Variants in MCM5 observed in about 807,000 individuals in gnomAD.
MCM5 encodes the protein DNA replication licensing factor MCM5.
MCM5 carries 46 observed loss-of-function variants against 79.9 expected under a neutral mutation model. The ratio of observed to expected loss-of-function variants is 0.58; its 90% confidence interval spans 0.45 to 0.74. The LOEUF is 0.74. Ranked by LOEUF, MCM5 falls within the 30% of genes least tolerant of loss-of-function variation. The probability of loss-of-function intolerance (pLI) is 0.00; values close to 1 mark genes in which losing one functional copy is unlikely to be tolerated. For missense variants in MCM5, 883 were observed against 1,017.0 expected (o/e 0.87, Z 1.79); for synonymous variants, 404 against 390.5 (o/e 1.03, Z -0.41).
chr22:35,453,813 T>TAGAG, the MCM5 span, among the ~76,000 whole-genome samples: 30 of 94,750 alleles, frequency 3.2e-4, no homozygotes, highest in Admixed American at 7.2e-4. Flanking sequence ...TATATATATA[T>TAGAG]ATATATAGAG....
At chr22:35,437,456 T>TA in the MCM5 span, among the ~76,000 whole-genome samples, 1 of 152,198 alleles carries the variant, frequency 6.6e-6, no homozygotes, top group South Asian at 2.1e-4. Flanking sequence ...ATGAAACTGA[T>TA]ACACTGAGGA....
At chr22:35,415,281 ATGT>A (rs1371609480) in intron 9 of MCM5, among the ~76,000 whole-genome samples, 11 of 152,200 alleles carry the variant, frequency 7.2e-5, no homozygotes, top group Admixed American at 4.6e-4. Flanking sequence ...TCATTTCAAC[ATGT>A]TGTTTGATAT....
In MCM5 at chr22:35,416,715, G is replaced by A; in HGVS notation, c.1491G>A (p.Glu497=). 1 of 1,614,188 alleles carries A rather than the reference G, an allele frequency of 6.2e-7. No homozygotes were observed. The highest frequency in any genetic ancestry group is 8.5e-7 in the Non-Finnish European group (1 of 1,180,044). The change falls in exon 12 of 17, where the codon GAG becomes GAA. Residue 497 remains glutamate, a synonymous_variant. Transcript: ENST00000216122. ...ACTCAGTGTTCGGCCGCTGGGATGA[G>A]ACGAAGGGGGAGGACAACATTGACT... is the stretch of plus-strand genomic sequence containing the variant. ...AANSVFGRWD[E]TKGEDNIDFM... is the part of the protein sequence containing the mutation.
the MCM5 span, among the ~76,000 whole-genome samples, chr22:35,445,474 A>G: frequency 6.7e-6 from 1 of 150,040 alleles, no homozygotes; most frequent in East Asian, 1.9e-4. Flanking sequence ...AATTATAGGC[A>G]TGCACCACCA....
the MCM5 span, among the ~76,000 whole-genome samples, chr22:35,441,264 A>G: frequency 1.9e-3 from 293 of 152,310 alleles, 6 homozygotes; most frequent in East Asian, 0.05. Context: ...AGGATGCTAT[A>G]TGGAAGATGG....
the MCM5 span, among the ~76,000 whole-genome samples, chr22:35,443,868 T>C: frequency 6.7e-6 from 1 of 148,558 alleles, no homozygotes; most frequent in African/African-American, 2.5e-5. Context: ...CCGTGGGCCG[T>C]AGACTTGGAG....
downstream of MCM5, among the ~76,000 whole-genome samples, chr22:35,427,527 ATTTTTT>A (rs1354187532): frequency 7.4e-6 from 1 of 135,276 alleles, no homozygotes; most frequent in African/African-American, 2.8e-5. Flanking sequence ...CAAGGCCTTT[ATTTTTT>A]TATTTTTATT....
Position 35,403,124 on chromosome 22 carries a change from A to G in MCM5, c.168-83A>G, listed in dbSNP as rs1461114190. 18 of 1,538,872 alleles carry G rather than the reference A, an allele frequency of 1.2e-5. No homozygotes were observed. In the Admixed American group the frequency reaches 2.1e-4, roughly 18 times the overall value. ...TGGTGGCTGTGGTGTGGGCAGATTC[A>G]GGGGTGCAGGCACACCTCAGCCAGT... is the stretch of plus-strand genomic sequence containing the variant. On this transcript the variant is annotated intron_variant, in intron 2 of 16. Transcript: ENST00000216122.
intron 1 of MCM5, 91 bp downstream of exon 1, chr22:35,400,299 A>C: frequency 1.1e-6 from 1 of 904,700 alleles, no homozygotes; most frequent in Non-Finnish European, 1.8e-6. Flanking sequence ...TTTCTCGGGA[A>C]CTGGGGTTGG....
the MCM5 span, among the ~76,000 whole-genome samples, chr22:35,439,370 T>C: frequency 3.3e-5 from 5 of 149,942 alleles, no homozygotes; most frequent in Non-Finnish European, 7.4e-5. Context: ...CACCCACATA[T>C]TCATCCATCT....
At chr22:35,420,955 C>T (rs1249914619) in intron 14 of MCM5, among the ~76,000 whole-genome samples, 3 of 151,800 alleles carry the variant, frequency 2.0e-5, no homozygotes, top group Non-Finnish European at 4.4e-5. Context: ...TAGCAAGACT[C>T]CCATTTCTAC....
the MCM5 span, among the ~76,000 whole-genome samples, chr22:35,444,166 GGA>G: frequency 4.4e-4 from 65 of 148,020 alleles, no homozygotes; most frequent in African/African-American, 1.2e-3. Context: ...CTGACAGGCA[GGA>G]GAGAGAGAGA....
intron 5 of MCM5, among the ~76,000 whole-genome samples, chr22:35,407,131 G>A (rs1306301520): frequency 6.6e-6 from 1 of 152,202 alleles, no homozygotes; most frequent in Non-Finnish European, 1.5e-5. Flanking sequence ...GCACTACAAA[G>A]GCAGGGTATG....
chr22:35,402,958 A>G (rs375560351), intron 2 of MCM5, among the ~76,000 whole-genome samples: 4 of 152,208 alleles, frequency 2.6e-5, no homozygotes, highest in South Asian at 2.1e-4. Flanking sequence ...GTGTTGAAAC[A>G]TCCTTTGACT....
At chr22:35,435,712 T>G in the MCM5 span, among the ~76,000 whole-genome samples, 3 of 152,108 alleles carry the variant, frequency 2.0e-5, no homozygotes, top group Non-Finnish European at 4.4e-5. Flanking sequence ...GGAGACCCAG[T>G]AGGCACCCCC....
the MCM5 span, among the ~76,000 whole-genome samples, chr22:35,452,521 G>T: frequency 1.3e-5 from 2 of 152,202 alleles, no homozygotes; most frequent in Non-Finnish European, 2.9e-5. Flanking sequence ...GTAAAGTGAC[G>T]CTAAGGATCA....
At chr22:35,423,377 C>CG in intron 16 of MCM5, 36 bp downstream of exon 16, 1 of 1,561,220 alleles carries the variant, frequency 6.4e-7, no homozygotes, top group Non-Finnish European at 8.7e-7. Flanking sequence ...TGAGCCGGCA[C>CG]GGGGTGCAGG....
chr22:35,453,179 T>C, the MCM5 span, among the ~76,000 whole-genome samples: 1 of 152,208 alleles, frequency 6.6e-6, no homozygotes, highest in Non-Finnish European at 1.5e-5. Context: ...GACACGGGCC[T>C]GCCCTCCCTG....
chr22:35,438,842 C>G, the MCM5 span, among the ~76,000 whole-genome samples: 1 of 125,528 alleles, frequency 8.0e-6, no homozygotes, highest in Non-Finnish European at 1.7e-5. Context: ...CATCCATTCA[C>G]CCATCCACCC....
Sources: gnomAD v4.1 joint callset for allele counts (sites outside exome capture counted in the v4.1 genomes callset) on GRCh38, gnomAD v4.1.1 for gene constraint, MANE v1.5 for transcripts, NCBI Gene and HGNC (gene_info 2026-07-23, HGNC 2026-07-21) for gene names.